Variants in FUT8 observed in about 807,000 individuals in gnomAD.
The protein encoded by FUT8 is alpha-(1,6)-fucosyltransferase.
FUT8 carries 29 observed loss-of-function variants against 71.3 expected under a neutral mutation model. The ratio of observed to expected loss-of-function variants is 0.41; its 90% CI spans 0.30 to 0.55. The LOEUF (loss-of-function observed/expected upper bound fraction) is 0.55. FUT8 is among the 20% of genes least tolerant of loss of function. The pLI is 0.34. For synonymous variants in FUT8, 254 were observed against 239.3 expected (o/e 1.06, Z -0.57); for missense variants, 544 against 702.1 (o/e 0.77, Z 2.55).
intron 7 of FUT8, among the ~76,000 whole-genome samples, chr14:65,686,197 C>T (rs1893277994): frequency 6.6e-6 from 1 of 152,182 alleles, no homozygotes; most frequent in South Asian, 2.1e-4. Flanking sequence ...TGATGGTAAA[C>T]AGCTGTAACC....
At chr14:65,729,457 A>G (rs866369424) in intron 9 of FUT8, among the ~76,000 whole-genome samples, 29 of 152,130 alleles carry the variant, frequency 1.9e-4, no homozygotes, top group African/African-American at 7.0e-4. Flanking sequence ...ACGTATGCCT[A>G]AAATTATCCA....
intron 1 of FUT8, among the ~76,000 whole-genome samples, chr14:65,450,966 C>G (rs993189624): frequency 1.3e-5 from 2 of 151,958 alleles, no homozygotes; most frequent in Non-Finnish European, 2.9e-5. Flanking sequence ...ACGCCATTCT[C>G]CTGCCTCAGC....
At position 65,742,490 on chromosome 14, in the gene FUT8, A is replaced by AGAGG; in HGVS notation, c.*82_*85dup. 2 of 1,209,678 alleles carry AGAGG rather than the reference A, an allele frequency of 1.7e-6. No homozygotes were observed. Among genetic ancestry groups the AGAGG allele is most frequent in the Non-Finnish European group, 2.3e-6 (2 of 859,602 alleles). The allele number at this position is 1,209,678 out of a possible 1,614,324, so 74.9% of individuals were successfully genotyped here. A position where few individuals can be genotyped will look rare whatever the true frequency, so the allele number is the denominator to read the frequency against. On this transcript the variant is annotated 3_prime_UTR_variant, in exon 11 of 11. Coordinates refer to ENST00000673929, the MANE Select transcript of FUT8 (RefSeq NM_001371533.1). The stretch of plus-strand genomic sequence containing the variant: ...ACCATTTCAGCCAAACTGTAGATGA[A>AGAGG]GAGGGCTCTGATCTAACAAAATAAG...
Position 65,439,954 on chromosome 14 carries a change from G to GTGTACGTATATATATATATATATA in FUT8, c.-325-15666_-325-15665insGTACGTATATATATATATATATAT. Among the ~76,000 whole-genome samples, 174 of 74,952 alleles carry GTGTACGTATATATATATATATATA rather than the reference G, an allele frequency of 2.3e-3. 27 individuals are homozygous for GTGTACGTATATATATATATATATA. The highest frequency in any genetic ancestry group is 3.7e-3 in the East Asian group (6 of 1,640). 49.2% of individuals were successfully genotyped at this position (74,952 alleles called of 152,430 possible). ...ATAAAGAAAATGTGTGTGTGTGTGTGTATATATATATATATATATATATAT... is the reference window on the plus strand; with the variant it reads ...ATAAAGAAAATGTGTGTGTGTGTGTGTGTACGTATATATATATATATATATATATATATATATATATATATATAT... On this transcript the variant is annotated intron_variant, in intron 1 of 10. Transcript: ENST00000673929.
At chr14:65,544,110 G>A (rs1199264356) in intron 2 of FUT8, among the ~76,000 whole-genome samples, 1 of 152,080 alleles carries the variant, frequency 6.6e-6, no homozygotes, top group East Asian at 1.9e-4. Context: ...TATAATATAA[G>A]TAGAGATCTG....
rs1301405463 is a variant in FUT8, at chr14:65,692,432, C to T, written c.835+22952C>T. On this transcript the variant is annotated intron_variant, in intron 7 of 10. Transcript: ENST00000673929. ...CTGACCCCCCCACCTCCCTCCCGGA[C>T]GGGGCGGCTGGCCGGGCGGGGGGCT... Among the ~76,000 whole-genome samples the T allele has an allele frequency of 4.4e-5, 5 of 114,228 alleles. 1 individual carries two copies. The highest frequency in any genetic ancestry group is 5.6e-5 in the Non-Finnish European group (3 of 53,848). 74.9% of individuals were successfully genotyped at this position (114,228 alleles called of 152,430 possible).
At chr14:65,470,775 C>G (rs1174830381) in intron 2 of FUT8, among the ~76,000 whole-genome samples, 1 of 152,000 alleles carries the variant, frequency 6.6e-6, no homozygotes, top group Admixed American at 6.5e-5. Flanking sequence ...ACTGGCTGGT[C>G]CCTGAAGTGG....
intron 7 of FUT8, among the ~76,000 whole-genome samples, chr14:65,688,635 A>G (rs1021654332): frequency 2.0e-5 from 3 of 151,844 alleles, no homozygotes; most frequent in Non-Finnish European, 4.4e-5. Context: ...ATTGCTTCCA[A>G]TTTTTTGGCA....
chr14:65,395,560 C>T, the FUT8 span, among the ~76,000 whole-genome samples: 1 of 152,268 alleles, frequency 6.6e-6, no homozygotes, highest in African/African-American at 2.4e-5. Context: ...ATGGCCCGAG[C>T]CATACCTTGT....
At chr14:65,411,837 T>C (rs923591501), upstream of FUT8, 1 of 355,134 alleles carries the variant, frequency 2.8e-6, no homozygotes, top group Non-Finnish European at 5.5e-6. Context: ...GCAGCTCTGA[T>C]TGGCCTCGGC....
intron 1 of FUT8, among the ~76,000 whole-genome samples, chr14:65,417,645 T>C (rs1375851917): frequency 1.3e-5 from 2 of 151,866 alleles, no homozygotes; most frequent in Non-Finnish European, 2.9e-5. Flanking sequence ...TGTGGTAGTC[T>C]TTTTTTTGGT....
chr14:65,439,954 G>GTAAATATATATA (rs1378430231), intron 1 of FUT8, among the ~76,000 whole-genome samples: 9 of 74,974 alleles, frequency 1.2e-4, no homozygotes, highest in African/African-American at 3.5e-4. Context: ...GTGTGTGTGT[G>GTAAATATATATA]TATATATATA....
At chr14:65,407,092 CTG>C (rs1422343692), upstream of FUT8, among the ~76,000 whole-genome samples, 1 of 152,148 alleles carries the variant, frequency 6.6e-6, no homozygotes, top group Non-Finnish European at 1.5e-5. Context: ...GACCTTCAAA[CTG>C]GGGGGCCATT....
At position 65,603,825 on chromosome 14, in the gene FUT8, A is replaced by G. The variant is rs1357565953; in HGVS notation, c.204-12153A>G. On this transcript the variant is annotated intron_variant, in intron 3 of 10. Coordinates refer to ENST00000673929, the MANE Select transcript of FUT8 (RefSeq NM_001371533.1). The surrounding 1 kb of genome is among the most constrained non-coding windows in gnomAD (Gnocchi z 4.5). ...CACTTAAAAGGTACAGAATTGCAGA[A>G]TGGATTCGAATTCACAAACCAAGCA... is the stretch of plus-strand genomic sequence containing the variant. Among the ~76,000 whole-genome samples the G allele has an allele frequency of 6.6e-6, 1 of 151,894 alleles. No individual in the cohort carries two copies. The highest frequency in any genetic ancestry group is 6.6e-5 in the Admixed American group (1 of 15,206).
At chr14:65,427,714 C>T (rs1169772770) in intron 1 of FUT8, among the ~76,000 whole-genome samples, 1 of 152,096 alleles carries the variant, frequency 6.6e-6, no homozygotes, top group East Asian at 1.9e-4. Context: ...AATTTATATA[C>T]CATAACATTC....
In FUT8 at chr14:65,695,310, G is replaced by A. The variant is rs1893937051; in HGVS notation, c.835+25830G>A. Among the ~76,000 whole-genome samples the A allele has an allele frequency of 2.6e-5, 4 of 152,054 alleles. No individual in the cohort carries two copies. The South Asian group carries it at 8.3e-4, about 31-fold the overall frequency. ...GTATATTCTCATTGCAATTCTGTAAGTTTTTACCTTATGTATTTTGACAGT... is the reference window on the plus strand; with the variant it reads ...GTATATTCTCATTGCAATTCTGTAAATTTTTACCTTATGTATTTTGACAGT... On this transcript the variant is annotated intron_variant, in intron 7 of 10. Transcript: ENST00000673929.
At position 65,721,837 on chromosome 14, in the gene FUT8, C is replaced by T. The variant is rs1461294407; in HGVS notation, c.898C>T (p.Arg300Cys). 1.7e-5 allele frequency: 28 copies of T among 1,614,136 alleles called. No individual in the cohort carries two copies. The highest frequency in any genetic ancestry group is 2.3e-5 in the Non-Finnish European group (27 of 1,179,988). The stretch of plus-strand genomic sequence containing the variant: ...TCCCATTGTAGACAGTCTTCATCCC[C>T]GTCCTCCATATTTACCCTTGGCTGT... ...ELPIVDSLHPRPPYLPLAVPE... is the reference protein window; with the variant it reads ...ELPIVDSLHPCPPYLPLAVPE... The change falls in exon 8 of 11, where the codon CGT becomes TGT. Residue 300 changes from arginine (R) to cysteine (C), a missense_variant. Arg to Cys is a radical substitution (Grantham distance 180). Coordinates refer to ENST00000673929, the MANE Select transcript of FUT8 (RefSeq NM_001371533.1).
At chr14:65,698,507 G>A (rs1566903508) in intron 7 of FUT8, among the ~76,000 whole-genome samples, 1 of 152,160 alleles carries the variant, frequency 6.6e-6, no homozygotes, top group Non-Finnish European at 1.5e-5. Flanking sequence ...ATGTAGCTTA[G>A]CAAGTATTTA....
chr14:65,451,154 C>T (rs1263460888), intron 1 of FUT8, among the ~76,000 whole-genome samples: 8 of 152,222 alleles, frequency 5.3e-5, no homozygotes, highest in Non-Finnish European at 1.5e-5. Context: ...CTGCGCCTTG[C>T]CCCAGCCCAC....
Sources: gnomAD v4.1 joint callset for allele counts (sites outside exome capture counted in the v4.1 genomes callset) on GRCh38, gnomAD v4.1.1 for gene constraint, Gnocchi (gnomAD v3.1) non-coding constraint, MANE v1.5 for transcripts, NCBI Gene and HGNC (gene_info 2026-07-23, HGNC 2026-07-21) for gene names.